The following RANBP2 variants were observed in gnomAD, a reference collection of about 807,000 sequenced individuals.
RANBP2 encodes the protein E3 SUMO-protein ligase RanBP2.
In RANBP2, 57 loss-of-function variants were observed where a neutral mutation model predicts 303.6. The ratio of observed to expected loss-of-function variants is 0.19; its 90% CI spans 0.15 to 0.23. RANBP2 has a LOEUF of 0.23. RANBP2 is among the 10% of genes least tolerant of loss of function. RANBP2 has a pLI of 1.00. For missense variants in RANBP2, 3,138 were observed against 3,780.8 expected (o/e 0.83, Z 4.46); for synonymous variants, 1,167 against 1,301.5 (o/e 0.90, Z 2.23).
chr2:109,041,889 A>G, the RANBP2 span, among the ~76,000 whole-genome samples: 1 of 151,910 alleles, frequency 6.6e-6, no homozygotes, highest in Non-Finnish European at 1.5e-5. Flanking sequence ...GTATTGAGTC[A>G]TTTATATTAT....
chr2:109,407,024 T>C, the RANBP2 span, among the ~76,000 whole-genome samples: 3 of 152,184 alleles, frequency 2.0e-5, no homozygotes, highest in Admixed American at 2.0e-4. Flanking sequence ...GTAAGGCTAG[T>C]GTGGCTCTGA....
chr2:109,569,254 C>G, the RANBP2 span, among the ~76,000 whole-genome samples: 4 of 151,938 alleles, frequency 2.6e-5, no homozygotes, highest in Non-Finnish European at 4.4e-5. Flanking sequence ...AATGGAGAAA[C>G]CCCATCTCCA....
the RANBP2 span, among the ~76,000 whole-genome samples, chr2:109,393,352 A>T: frequency 1.3e-5 from 2 of 152,250 alleles, no homozygotes; most frequent in East Asian, 3.8e-4. Flanking sequence ...CAACAATGGC[A>T]TCTGCAAAGA....
At chr2:109,362,063 A>T in the RANBP2 span, among the ~76,000 whole-genome samples, 1 of 151,292 alleles carries the variant, frequency 6.6e-6, no homozygotes, top group Non-Finnish European at 1.5e-5. Flanking sequence ...TATTGTTTTC[A>T]ATTTCATTGA....
the RANBP2 span, among the ~76,000 whole-genome samples, chr2:109,321,877 A>T: frequency 6.6e-6 from 1 of 152,206 alleles, no homozygotes; most frequent in Admixed American, 6.5e-5. Flanking sequence ...CCCACTGCTT[A>T]CTTCAAGTCC....
chr2:108,939,621 C>T, the RANBP2 span, among the ~76,000 whole-genome samples: 3,981 of 152,242 alleles, frequency 0.026, 70 homozygotes, highest in Middle Eastern at 0.044. Context: ...TTAGGAAGTG[C>T]AGTCACAGTG....
chr2:109,301,253 T>C, the RANBP2 span, among the ~76,000 whole-genome samples: 3 of 151,898 alleles, frequency 2.0e-5, no homozygotes, highest in African/African-American at 7.3e-5. Flanking sequence ...GACTCAGACT[T>C]TCTCCCGTGT....
chr2:109,635,605 T>G, the RANBP2 span, among the ~76,000 whole-genome samples: 29,934 of 152,118 alleles, frequency 0.2, 3,676 homozygotes, highest in African/African-American at 0.35. Context: ...AGATGCTACA[T>G]CCAAAAAGGG....
chr2:109,454,270 A>G, the RANBP2 span, among the ~76,000 whole-genome samples: 2 of 152,304 alleles, frequency 1.3e-5, no homozygotes, highest in African/African-American at 2.4e-5. Context: ...TTTGTCTACT[A>G]TCCAATCTGT....
chr2:108,828,614 A>G, the RANBP2 span, among the ~76,000 whole-genome samples: 1 of 152,218 alleles, frequency 6.6e-6, no homozygotes, highest in Non-Finnish European at 1.5e-5. Flanking sequence ...AGTCTTTTCA[A>G]CAAATGGTGT....
At chr2:109,290,636 C>A in the RANBP2 span, among the ~76,000 whole-genome samples, 1 of 152,254 alleles carries the variant, frequency 6.6e-6, no homozygotes, top group African/African-American at 2.4e-5. Context: ...TCCTCCAACT[C>A]AGACGCCCTC....
the RANBP2 span, among the ~76,000 whole-genome samples, chr2:109,659,723 C>T: frequency 3.3e-5 from 5 of 152,216 alleles, no homozygotes; most frequent in Admixed American, 1.3e-4. Context: ...GGTATGGACT[C>T]TGAGGGGGCC....
the RANBP2 span, among the ~76,000 whole-genome samples, chr2:108,886,306 A>G: frequency 1.3e-5 from 2 of 152,082 alleles, no homozygotes; most frequent in Admixed American, 1.3e-4. Flanking sequence ...GGGTAAGATG[A>G]TATCTAATTG....
the RANBP2 span, among the ~76,000 whole-genome samples, chr2:109,538,595 C>T: frequency 6.6e-6 from 1 of 152,234 alleles, no homozygotes; most frequent in Non-Finnish European, 1.5e-5. Flanking sequence ...CGGCTTACCA[C>T]GGCGGCCTCT....
the RANBP2 span, among the ~76,000 whole-genome samples, chr2:109,708,861 A>C: frequency 1.0e-3 from 155 of 151,944 alleles, 1 homozygote; most frequent in African/African-American, 3.6e-3. Flanking sequence ...CTGTAATCCC[A>C]GCTACTTGGG....
the RANBP2 span, among the ~76,000 whole-genome samples, chr2:109,138,101 C>T: frequency 2.6e-5 from 4 of 152,230 alleles, no homozygotes; most frequent in Non-Finnish European, 5.9e-5. Flanking sequence ...CTGCTACCTC[C>T]GCCTCCAGGG....
At chr2:108,956,477 C>T in the RANBP2 span, among the ~76,000 whole-genome samples, 33 of 152,306 alleles carry the variant, frequency 2.2e-4, no homozygotes, top group East Asian at 5.0e-3. Context: ...GAGTCTCTCA[C>T]GTCAGCAGGT....
At chr2:109,494,905 G>A in the RANBP2 span, among the ~76,000 whole-genome samples, 7 of 152,166 alleles carry the variant, frequency 4.6e-5, no homozygotes, top group African/African-American at 1.7e-4. Context: ...TCAAGTAGAA[G>A]GTGCTGCAGA....
the RANBP2 span, among the ~76,000 whole-genome samples, chr2:109,496,053 C>A: frequency 1.3e-5 from 2 of 152,190 alleles, no homozygotes; most frequent in Non-Finnish European, 1.5e-5. Flanking sequence ...GGGGACCCAC[C>A]GGGTTGCCCT....
Sources: allele counts gnomAD v4.1 joint callset (sites outside exome capture counted in the v4.1 genomes callset), GRCh38; gene constraint gnomAD v4.1.1; transcripts MANE v1.5; gene names NCBI Gene and HGNC (gene_info 2026-07-23, HGNC 2026-07-21).